Variants in PCDH15 observed in about 807,000 individuals in gnomAD.
PCDH15 encodes the protein protocadherin related 15.
PCDH15 carries 129 observed loss-of-function variants against 178.5 expected under a neutral mutation model. The ratio of observed to expected loss-of-function variants is 0.72; its 90% confidence interval spans 0.63 to 0.84. PCDH15 has a LOEUF of 0.84. Among genes scored for constraint, PCDH15 ranks in the 40% least tolerant of loss-of-function variants. The pLI is 0.00. For missense variants in PCDH15, 2,230 were observed against 2,099.9 expected, an observed-to-expected ratio of 1.06 and a Z score of -1.21; for synonymous variants, 800 against 732.0, an observed-to-expected ratio of 1.09 and a Z score of -1.50.
chr10:53,905,389 A>G, intron 25 of PCDH15: 1 of 404,702 alleles, frequency 2.5e-6, no homozygotes, highest in Non-Finnish European at 4.9e-6. Context: ...GCTGGAGTGC[A>G]GTGGCACGAT....
At chr10:55,457,115 G>A (rs1038892307) in intron 2 of PCDH15, among the ~76,000 whole-genome samples, 4 of 152,004 alleles carry the variant, frequency 2.6e-5, no homozygotes, top group Admixed American at 1.3e-4. Context: ...ACAAATTTCT[G>A]TTTCAAAAGG....
chr10:55,561,009 A>G (rs1564454769), intron 2 of PCDH15, among the ~76,000 whole-genome samples: 1 of 151,902 alleles, frequency 6.6e-6, no homozygotes, highest in Non-Finnish European at 1.5e-5. Context: ...AAACAAATTC[A>G]ATAATTCATT....
chr10:54,527,222 A>G (rs2083445085), intron 3 of PCDH15, among the ~76,000 whole-genome samples: 1 of 152,134 alleles, frequency 6.6e-6, no homozygotes, highest in Non-Finnish European at 1.5e-5. Context: ...ATGATAAGGA[A>G]AAAAAGTTTT....
intron 13 of PCDH15, among the ~76,000 whole-genome samples, chr10:54,163,722 T>C (rs1270810714): frequency 6.6e-6 from 1 of 152,126 alleles, no homozygotes; most frequent in Non-Finnish European, 1.5e-5. Context: ...GGCAAACATA[T>C]TAACCTAAAT....
intron 3 of PCDH15, among the ~76,000 whole-genome samples, chr10:54,853,289 G>GTATATATATATATATATA (rs71014423): frequency 6.8e-5 from 7 of 102,572 alleles, no homozygotes; most frequent in Admixed American, 1.1e-4. Context: ...ATGTATGTGT[G>GTATATATATATATATATA]TATATATATA....
At position 54,672,484 on chromosome 10, in the gene PCDH15, A is replaced by G. The variant is rs139000224; in HGVS notation, c.-28-8194T>C. Among the ~76,000 whole-genome samples the G allele has an allele frequency of 5.4e-3, 822 of 152,262 alleles. 8 individuals carry two copies. The highest frequency in any genetic ancestry group is 0.018 in the African/African-American group (758 of 41,564). Reference sequence around the variant, plus strand: ...AGATTCAGTCTTAGCACATTGGAGAAAGATAAATCTTCCTGCTCTGTGTAA... The same window carrying G: ...AGATTCAGTCTTAGCACATTGGAGAGAGATAAATCTTCCTGCTCTGTGTAA... On this transcript the variant is annotated intron_variant, in intron 1 of 37. Coordinates refer to ENST00000644397, the MANE Select transcript of PCDH15 (RefSeq NM_001384140.1).
intron 2 of PCDH15, among the ~76,000 whole-genome samples, chr10:55,022,156 T>A (rs1564724175): frequency 6.6e-6 from 1 of 152,002 alleles, no homozygotes; most frequent in Non-Finnish European, 1.5e-5. Flanking sequence ...ATATATCGTA[T>A]TATTCAAAAA....
intron 2 of PCDH15, among the ~76,000 whole-genome samples, chr10:55,415,273 T>C (rs1462266166): frequency 6.6e-6 from 1 of 151,716 alleles, no homozygotes; most frequent in Non-Finnish European, 1.5e-5. Flanking sequence ...TGTTGCAATA[T>C]GTTCTTTATA....
chr10:54,314,212 T>C (rs2061089522), intron 8 of PCDH15, among the ~76,000 whole-genome samples: 1 of 151,992 alleles, frequency 6.6e-6, no homozygotes, highest in Non-Finnish European at 1.5e-5. Flanking sequence ...AAAAGATTAT[T>C]ATCAAGTATT....
chr10:54,673,188 A>G (rs917432590), intron 1 of PCDH15, among the ~76,000 whole-genome samples: 6 of 152,066 alleles, frequency 3.9e-5, no homozygotes, highest in African/African-American at 9.7e-5. Flanking sequence ...CGTCATCTAC[A>G]TTAGGTATTT....
intron 2 of PCDH15, among the ~76,000 whole-genome samples, chr10:55,335,539 T>C (rs1844362330): frequency 6.6e-6 from 1 of 152,152 alleles, no homozygotes; most frequent in African/African-American, 2.4e-5. Flanking sequence ...CAGCATGACG[T>C]AGGGATAATT....
At chr10:55,242,556 C>T (rs1020723376) in intron 1 of PCDH15, among the ~76,000 whole-genome samples, 10 of 152,012 alleles carry the variant, frequency 6.6e-5, no homozygotes, top group Admixed American at 1.3e-4. Context: ...CACAAACTGT[C>T]GGCCAGGAAC....
At chr10:55,077,185 T>C (rs903286186) in intron 2 of PCDH15, among the ~76,000 whole-genome samples, 6 of 152,178 alleles carry the variant, frequency 3.9e-5, no homozygotes, top group African/African-American at 1.4e-4. Flanking sequence ...AATTATACTG[T>C]TTCTTGTAGG....
At chr10:54,932,871 G>A (rs1837818166) in intron 2 of PCDH15, among the ~76,000 whole-genome samples, 1 of 152,054 alleles carries the variant, frequency 6.6e-6, no homozygotes, top group African/African-American at 2.4e-5. Flanking sequence ...GTGCACTAGT[G>A]TTCTAGGCCT....
chr10:54,002,344 G>A (rs2092199451), intron 20 of PCDH15, among the ~76,000 whole-genome samples: 2 of 151,904 alleles, frequency 1.3e-5, no homozygotes, highest in South Asian at 4.2e-4. Flanking sequence ...AGAACAAATG[G>A]ATCTAACAGT....
chr10:55,256,610 T>G (rs1842005685), intron 1 of PCDH15, among the ~76,000 whole-genome samples: 1 of 152,170 alleles, frequency 6.6e-6, no homozygotes, highest in Admixed American at 6.5e-5. Context: ...CCCATGCCCA[T>G]GAAGCCTCGC....
At chr10:55,429,275 A>C (rs1247455650) in intron 2 of PCDH15, among the ~76,000 whole-genome samples, 1 of 152,126 alleles carries the variant, frequency 6.6e-6, no homozygotes, top group Non-Finnish European at 1.5e-5. Context: ...GCTGGTTATT[A>C]ACTATTTCAT....
At chr10:54,450,542 G>A (rs1444355721) in intron 3 of PCDH15, among the ~76,000 whole-genome samples, 1 of 151,400 alleles carries the variant, frequency 6.6e-6, no homozygotes, top group Non-Finnish European at 1.5e-5. Context: ...AAGCAGGCTG[G>A]TCTATGGCTT....
In PCDH15 at chr10:55,520,172, TACACGCA is replaced by T. The variant is rs1841129904; in HGVS notation, c.-156+107446_-156+107452del. On this transcript the variant is annotated intron_variant, in intron 2 of 5. Coordinates refer to the PCDH15 transcript ENST00000613346. ...TATACACGCAATGTGTATATATATA[TACACGCA>T]ATGTGTATATATATATACACGCAAT... 7.3e-5 allele frequency among the ~76,000 whole-genome samples: 6 copies of T among 82,526 alleles called. 1 individual carries two copies. The highest frequency in any genetic ancestry group is 1.4e-4 in the Admixed American group (1 of 7,014). The allele number at this position is 82,526 out of a possible 152,430, so 54.1% of individuals were successfully genotyped here.
Sources: allele counts gnomAD v4.1 joint callset (sites outside exome capture counted in the v4.1 genomes callset), GRCh38; gene constraint gnomAD v4.1.1; transcripts MANE v1.5; gene names NCBI Gene and HGNC (gene_info 2026-07-23, HGNC 2026-07-21).